The following TALDO1 variants were observed in gnomAD, a reference collection of about 807,000 sequenced individuals.
TALDO1 encodes the protein transaldolase.
In TALDO1, 29 loss-of-function variants were observed where a neutral mutation model predicts 38.1. That is an observed-to-expected ratio of 0.76 (90% CI 0.57 to 1.04). TALDO1 has a LOEUF of 1.04. Ranked by LOEUF, TALDO1 falls within the 50% of genes least tolerant of loss-of-function variation. TALDO1 has a pLI of 0.00. For synonymous variants in TALDO1, 207 were observed against 176.8 expected, an observed-to-expected ratio of 1.17 and a Z score of -1.36; for missense variants, 499 against 438.1, an observed-to-expected ratio of 1.14 and a Z score of -1.24.
At position 751,624 on chromosome 11, in the gene TALDO1, TC is replaced by T. The variant is rs370008168; in HGVS notation, c.97+4047del. ...GCCTGGCCAACATGGTGAAACCCCATCTCTACTAAAAATACAAAAAATTAGC... is the reference window on the plus strand; with the variant it reads ...GCCTGGCCAACATGGTGAAACCCCATTCTACTAAAAATACAAAAAATTAGC... On this transcript the variant is annotated intron_variant, in intron 1 of 7. Transcript: ENST00000319006. Among the ~76,000 whole-genome samples the T allele has an allele frequency of 4.7e-3, 712 of 152,116 alleles. 5 individuals carry two copies. Among genetic ancestry groups the T allele is most frequent in the African/African-American group, 0.017 (685 of 41,478 alleles).
At chr11:758,383 G>A (rs1819867773) in intron 2 of TALDO1, among the ~76,000 whole-genome samples, 1 of 152,050 alleles carries the variant, frequency 6.6e-6, no homozygotes, top group South Asian at 2.1e-4. Context: ...GGAGGTCAAG[G>A]CTGTAATGAG....
At chr11:760,425 C>A in intron 4 of TALDO1, 172 bp downstream of exon 4, 1 of 914,946 alleles carries the variant, frequency 1.1e-6, no homozygotes, top group Non-Finnish European at 1.7e-6. Flanking sequence ...CTGCCCTCTG[C>A]TCCAGAGCCA....
At position 764,958 on chromosome 11, in the gene TALDO1, A is replaced by G; in HGVS notation, c.*113A>G. 1.4e-6 allele frequency: 2 copies of G among 1,461,656 alleles called. No homozygotes were observed. The highest frequency in any genetic ancestry group is 1.9e-6 in the Non-Finnish European group (2 of 1,047,132). The allele number at this position is 1,461,656 out of a possible 1,614,324, so 90.5% of individuals were successfully genotyped here. On this transcript the variant is annotated 3_prime_UTR_variant, in exon 8 of 8. Transcript: ENST00000319006. Reference sequence around the variant, plus strand: ...ACAAATTGGAGCAGGGACAGATCATAGATTTCTGATTTTATGTAAAATTTT... The same window carrying G: ...ACAAATTGGAGCAGGGACAGATCATGGATTTCTGATTTTATGTAAAATTTT...
intron 4 of TALDO1, 127 bp downstream of exon 4, chr11:760,380 C>G: frequency 7.0e-7 from 1 of 1,437,198 alleles, no homozygotes; most frequent in Non-Finnish European, 9.6e-7. Context: ...GCACAGCCCA[C>G]AGCTTGGACT....
intron 1 of TALDO1, among the ~76,000 whole-genome samples, chr11:747,904 C>T (rs1350927699): frequency 2.0e-5 from 3 of 152,126 alleles, no homozygotes; most frequent in African/African-American, 7.2e-5. Flanking sequence ...GTCAGCGGTG[C>T]GGGCGGTACT....
At chr11:759,801 C>T (rs11246305) in intron 3 of TALDO1, among the ~76,000 whole-genome samples, 5 of 151,956 alleles carry the variant, frequency 3.3e-5, no homozygotes, top group African/African-American at 1.2e-4. Context: ...AGGATGGTCT[C>T]GATCCCTTGA....
rs145956663 is a variant in TALDO1, at chr11:762,022, A to G, written c.462-1322A>G. 2.6e-3 allele frequency among the ~76,000 whole-genome samples: 400 copies of G among 151,816 alleles called. 2 individuals are homozygous for G. The highest frequency in any genetic ancestry group is 8.7e-3 in the African/African-American group (360 of 41,382). On this transcript the variant is annotated intron_variant, in intron 4 of 7. Transcript: ENST00000319006. ...TCATTCTCGTCCATGCTGGAGTGCAATGGTGCTATCTCAGCTCACTGCAAC... is the reference window on the plus strand; with the variant it reads ...TCATTCTCGTCCATGCTGGAGTGCAGTGGTGCTATCTCAGCTCACTGCAAC...
At chr11:759,096 G>A in intron 3 of TALDO1, 39 bp downstream of exon 3, 1 of 1,559,316 alleles carries the variant, frequency 6.4e-7, no homozygotes, top group East Asian at 2.3e-5. Context: ...GGCTGGTCAG[G>A]TGTCCACAGT....
chr11:764,917 G>A lies in TALDO1; in HGVS notation c.*72G>A, dbSNP rs977148112. 3.7e-6 allele frequency: 6 copies of A among 1,601,974 alleles called. No homozygotes were observed. The highest frequency in any genetic ancestry group is 4.3e-6 in the Non-Finnish European group (5 of 1,170,244). ...GATCTGACTGCACGTGGCTTCTGAT[G>A]AATCTTGCGTTTTTTACAAATTGGA... On this transcript the variant is annotated 3_prime_UTR_variant, in exon 8 of 8. Transcript: ENST00000319006.
chr11:756,203 A>G, intron 2 of TALDO1: 1 of 761,192 alleles, frequency 1.3e-6, no homozygotes, highest in East Asian at 2.8e-5. Context: ...AGCAGTTCAG[A>G]GAGTTTTGCC....
chr11:750,101 G>A (rs927144009), intron 1 of TALDO1, among the ~76,000 whole-genome samples: 1 of 152,280 alleles, frequency 6.6e-6, no homozygotes, highest in Non-Finnish European at 1.5e-5. Context: ...CTGGGGCAAG[G>A]AGGCTATGTG....
chr11:755,087 A>G (rs1862809351), intron 1 of TALDO1, among the ~76,000 whole-genome samples: 1 of 150,536 alleles, frequency 6.6e-6, no homozygotes, highest in Non-Finnish European at 1.5e-5. Context: ...CTTGCAGGTA[A>G]TAATTTTTGG....
intron 1 of TALDO1, among the ~76,000 whole-genome samples, chr11:753,132 G>A (rs530191840): frequency 4.6e-5 from 7 of 152,210 alleles, no homozygotes; most frequent in East Asian, 1.9e-4. Context: ...AGTGGCTCAC[G>A]TCTGTAATCC....
chr11:758,884 C>G (rs1015853722), intron 2 of TALDO1, 66 bp from the exon 3 acceptor site: 1 of 1,325,620 alleles, frequency 7.5e-7, no homozygotes, highest in African/African-American at 1.5e-5. Flanking sequence ...GGATTACAGG[C>G]GTGAGCCACC....
chr11:759,853 T>A (rs1862901312), intron 3 of TALDO1, among the ~76,000 whole-genome samples: 1 of 152,222 alleles, frequency 6.6e-6, no homozygotes, highest in Non-Finnish European at 1.5e-5. Context: ...GTGTTGGGAT[T>A]ACAGGCGTGA....
intron 5 of TALDO1, 85 bp from the exon 6 acceptor site, chr11:763,662 G>A: frequency 1.9e-6 from 3 of 1,570,164 alleles, no homozygotes; most frequent in Non-Finnish European, 2.6e-6. Context: ...GCGGCTCAAG[G>A]TAGTGCAGCC....
At chr11:757,261 C>A (rs1004140580) in intron 2 of TALDO1, among the ~76,000 whole-genome samples, 1 of 151,756 alleles carries the variant, frequency 6.6e-6, no homozygotes, top group Non-Finnish European at 1.5e-5. Flanking sequence ...AACAGATGAG[C>A]CCTGCACCCA....
At position 763,455 on chromosome 11, in the gene TALDO1, G is replaced by C; in HGVS notation, c.573G>C (p.Gly191=). The change falls in exon 5 of 8, where the codon GGG becomes GGC. Residue 191 remains glycine, a synonymous_variant. Coordinates refer to ENST00000319006, the MANE Select transcript of TALDO1 (RefSeq NM_006755.2). ...AGVTLISPFV[G]RILDWHVANT... is the part of the protein sequence containing the mutation. ...TGACCCTCATCTCCCCATTTGTTGG[G>C]CGCATCCTTGATTGGCATGTGGCAA... 1 of 1,613,544 alleles carries C rather than the reference G, an allele frequency of 6.2e-7. No homozygotes were observed. The highest frequency in any genetic ancestry group is 1.1e-5 in the South Asian group (1 of 91,040).
At chr11:754,314 T>G (rs1441225296) in intron 1 of TALDO1, among the ~76,000 whole-genome samples, 2 of 152,074 alleles carry the variant, frequency 1.3e-5, no homozygotes, top group Admixed American at 1.3e-4. Context: ...CTGGGTTGAT[T>G]AAAGCAGAGA....
Sources: allele counts gnomAD v4.1 joint callset (sites outside exome capture counted in the v4.1 genomes callset), GRCh38; gene constraint gnomAD v4.1.1; transcripts MANE v1.5; gene names NCBI Gene and HGNC (gene_info 2026-07-23, HGNC 2026-07-21).